Variants in CCPG1 observed in about 807,000 individuals in gnomAD.
CCPG1 encodes the protein cell cycle progression protein 1.
Under a neutral mutation model 81.3 loss-of-function variants are expected in CCPG1, and 46 were observed. The observed-to-expected ratio is 0.57, with a 90% confidence interval of 0.45 to 0.72. The LOEUF (loss-of-function observed/expected upper bound fraction) is 0.72. Ranked by LOEUF, CCPG1 falls within the 30% of genes least tolerant of loss-of-function variation. The pLI is 0.00. For synonymous variants in CCPG1, 330 were observed against 305.2 expected, an observed-to-expected ratio of 1.08 and a Z score of -0.85; for missense variants, 902 against 937.6, an observed-to-expected ratio of 0.96 and a Z score of 0.50.
chr15:55,363,964 A>C (rs519647), intron 7 of CCPG1, among the ~76,000 whole-genome samples: 77,377 of 149,224 alleles, frequency 0.52, 23,239 homozygotes, highest in African/African-American at 0.73. Flanking sequence ...CCACCACACC[A>C]GGCTGATTTT....
At chr15:55,358,685 C>T in intron 8 of CCPG1, 1 of 985,392 alleles carries the variant, frequency 1.0e-6, no homozygotes, top group Non-Finnish European at 1.2e-6. Flanking sequence ...AGCCTGAGGC[C>T]ACCATGCCCC....
chr15:55,392,852 C>A (rs1359596363), intron 1 of CCPG1, among the ~76,000 whole-genome samples: 1 of 152,160 alleles, frequency 6.6e-6, no homozygotes, highest in Non-Finnish European at 1.5e-5. Context: ...CGCCTATAAT[C>A]CCAGCACTTT....
At chr15:55,392,484 T>C (rs888958941) in intron 1 of CCPG1, among the ~76,000 whole-genome samples, 5 of 151,778 alleles carry the variant, frequency 3.3e-5, no homozygotes, top group African/African-American at 1.2e-4. Context: ...CCCAAAGTGC[T>C]GGGATTACAA....
intron 1 of CCPG1, among the ~76,000 whole-genome samples, chr15:55,397,213 C>CA (rs1172047773): frequency 2.8e-4 from 31 of 112,662 alleles, no homozygotes; most frequent in East Asian, 2.0e-3. Flanking sequence ...GACTCCGTCT[C>CA]AAAAAAAAAC....
rs571360891 is a variant in CCPG1 at position 55,364,248 on chromosome 15, A to T, written c.828+940T>A. Reference sequence around the variant, plus strand: ...ACAGAATGGACAGTACAGTCCTGTGAGACGAGATCTAGGTGAGTTATAGGC... The same window carrying T: ...ACAGAATGGACAGTACAGTCCTGTGTGACGAGATCTAGGTGAGTTATAGGC... On this transcript the variant is annotated intron_variant, in intron 7 of 8. Coordinates refer to ENST00000442196, the MANE Select transcript of CCPG1 (RefSeq NM_001204450.2). Among the ~76,000 whole-genome samples, 316 of 150,706 alleles carry T rather than the reference A, an allele frequency of 2.1e-3. 21 individuals are homozygous for T. The highest frequency in any genetic ancestry group is 0.02 in the Admixed American group (305 of 15,066).
chr15:55,385,367 A>G (rs1049738330), intron 3 of CCPG1, among the ~76,000 whole-genome samples: 1 of 152,220 alleles, frequency 6.6e-6, no homozygotes, highest in Non-Finnish European at 1.5e-5. Context: ...GGGTTTCACC[A>G]TGTTGGCCAG....
intron 7 of CCPG1, among the ~76,000 whole-genome samples, chr15:55,363,663 T>TA (rs1468308499): frequency 2.0e-5 from 3 of 150,632 alleles, no homozygotes; most frequent in Non-Finnish European, 4.4e-5. Flanking sequence ...CCCTGAAAGA[T>TA]ACAATTTAGT....
intron 1 of CCPG1, among the ~76,000 whole-genome samples, chr15:55,402,683 G>A (rs1252112021): frequency 6.6e-6 from 1 of 152,144 alleles, no homozygotes; most frequent in Non-Finnish European, 1.5e-5. Flanking sequence ...TTGGCTCAAA[G>A]ACTAATGCTT....
intron 8 of CCPG1, 94 bp from the exon 9 acceptor site, chr15:55,356,503 T>C: frequency 7.7e-7 from 1 of 1,296,902 alleles, no homozygotes; most frequent in Non-Finnish European, 1.0e-6. Flanking sequence ...ATCTATGATC[T>C]GAACACTGAT....
chr15:55,360,052 T>A lies in CCPG1; in HGVS notation c.1721A>T (p.Tyr574Phe), dbSNP rs751102136. Residue 574 changes from tyrosine to phenylalanine, a missense_variant, in exon 8 of 9, where the codon TAT becomes TTT. Physicochemically the swap from Tyr to Phe is conservative, Grantham distance 22. Transcript: ENST00000442196. ...ATGATGGTTTTCTGTAGGTGCCTTA[T>A]ACTGTGGATGTAAATAGTCACTAAA... ...TVFSDYLHPQYKAPTENHHNR... is the reference protein window; with the variant it reads ...TVFSDYLHPQFKAPTENHHNR... 1.2e-5 allele frequency: 19 copies of A among 1,613,800 alleles called. No individual in the cohort carries two copies. In the African/African-American group the frequency reaches 2.4e-4, roughly 20 times the overall value.
In CCPG1 at chr15:55,360,062, G is replaced by C; in HGVS notation, c.1711C>G (p.His571Asp). ...TCTGTAGGTGCCTTATACTGTGGAT[G>C]TAAATAGTCACTAAAAACTGTTCTT... ...KPRTVFSDYL[H>D]PQYKAPTENH... Residue 571 changes from histidine (H) to aspartate (D), a missense_variant, in exon 8 of 9, where the codon CAT (histidine) becomes GAT (aspartate). By Grantham distance (81) the His-to-Asp change is moderately conservative. This residue lies in a region of CCPG1 where 746 missense variants were observed against 728.6 expected (regional missense o/e 1.02). Coordinates refer to ENST00000442196, the MANE Select transcript of CCPG1 (RefSeq NM_001204450.2). 1 of 1,613,808 alleles carries C rather than the reference G, an allele frequency of 6.2e-7. No individual in the cohort carries two copies. The highest frequency in any genetic ancestry group is 8.5e-7 in the Non-Finnish European group (1 of 1,179,970).
chr15:55,398,333 A>T (rs1199016222), intron 1 of CCPG1: 1 of 152,140 alleles, frequency 6.6e-6, no homozygotes, highest in Non-Finnish European at 1.5e-5. Context: ...GAAGAATGGG[A>T]GCATTATTCT....
chr15:55,356,287 G>T lies in CCPG1; in HGVS notation c.2357C>A (p.Thr786Asn), dbSNP rs940801455. 1.6e-5 allele frequency: 25 copies of T among 1,534,900 alleles called. No homozygotes were observed. The highest frequency in any genetic ancestry group is 2.2e-5 in the Non-Finnish European group (25 of 1,146,270). Residue 786 changes from threonine (T) to asparagine (N), a missense_variant, in exon 9 of 9, where the codon ACT (threonine) becomes AAT (asparagine). This residue lies in a region of CCPG1 where 128 missense variants were observed against 161.2 expected (regional missense o/e 0.79). Transcript: ENST00000442196. ...REGKWHKYGR[T>N]NGRQMANLEI... ...AAGATTTGCCATTTGTCTTCCATTAGTGCGACCATATTTATGCCATTTACC... is the reference window on the plus strand; with the variant it reads ...AAGATTTGCCATTTGTCTTCCATTATTGCGACCATATTTATGCCATTTACC...
Position 55,368,022 on chromosome 15 carries a change from C to G in CCPG1, c.707-2713G>C, listed in dbSNP as rs535103493. Reference sequence around the variant, plus strand: ...TAAATCAAACTTTCCTATCTAGATTCCAAGACGTTTTACAATACACAGTTG... The same window carrying G: ...TAAATCAAACTTTCCTATCTAGATTGCAAGACGTTTTACAATACACAGTTG... On this transcript the variant is annotated intron_variant, in intron 6 of 8. Transcript: ENST00000442196. Among the ~76,000 whole-genome samples the G allele has an allele frequency of 2.0e-5, 3 of 152,146 alleles. No individual in the cohort carries two copies. The South Asian group carries it at 6.2e-4, about 32-fold the overall frequency.
chr15:55,361,637 C>G (rs1051419742), intron 7 of CCPG1, among the ~76,000 whole-genome samples: 3 of 151,144 alleles, frequency 2.0e-5, no homozygotes, highest in East Asian at 4.0e-4. Context: ...ACCCGGGAGG[C>G]GAATGTTGCA....
chr15:55,394,635 G>T (rs1184741558), intron 1 of CCPG1, among the ~76,000 whole-genome samples: 1 of 151,942 alleles, frequency 6.6e-6, no homozygotes, highest in Non-Finnish European at 1.5e-5. Flanking sequence ...CTTCCTTCAA[G>T]GAAAGATAAC....
chr15:55,380,294 T>TTTTTG (rs2056656464), intron 3 of CCPG1, among the ~76,000 whole-genome samples: 2 of 151,656 alleles, frequency 1.3e-5, no homozygotes, highest in Middle Eastern at 3.2e-3. Context: ...TTTTGTTTTT[T>TTTTTG]TTTTGTTTTG....
chr15:55,406,617 T>C (rs1000277444), intron 1 of CCPG1, among the ~76,000 whole-genome samples: 1 of 151,716 alleles, frequency 6.6e-6, no homozygotes, highest in African/African-American at 2.4e-5. Context: ...GTATTTTTAG[T>C]AGAGACGGGG....
chr15:55,376,259 C>T (rs2056562984), intron 5 of CCPG1, among the ~76,000 whole-genome samples: 1 of 152,174 alleles, frequency 6.6e-6, no homozygotes, highest in Admixed American at 6.6e-5. Flanking sequence ...TACATACTTA[C>T]ATCACATTAA....
Sources: gnomAD v4.1 joint callset for allele counts (sites outside exome capture counted in the v4.1 genomes callset) on GRCh38, gnomAD v4.1.1 for gene constraint, gnomAD v4.1.1 regional missense constraint, MANE v1.5 for transcripts, NCBI Gene and HGNC (gene_info 2026-07-23, HGNC 2026-07-21) for gene names.